NRXN1: variants seen among roughly 807,000 people sequenced by gnomAD.
The protein encoded by NRXN1 is neurexin-1.
A neutral mutation model predicts 150.9 loss-of-function variants in NRXN1; 39 were observed. The ratio of observed to expected loss-of-function variants is 0.26; its 90% confidence interval spans 0.20 to 0.34. The LOEUF (loss-of-function observed/expected upper bound fraction) is 0.34, where lower values mean the gene tolerates loss of function less well. NRXN1 is among the 10% of genes least tolerant of loss of function. The pLI, the probability that NRXN1 is intolerant of heterozygous loss-of-function variation, is 1.00. For missense variants in NRXN1, 1,815 were observed against 1,949.9 expected (o/e 0.93, Z 1.30); for synonymous variants, 924 against 757.0 (o/e 1.22, Z -3.62).
At chr2:50,901,114 T>C (rs1682874868) in intron 5 of NRXN1, among the ~76,000 whole-genome samples, 1 of 152,164 alleles carries the variant, frequency 6.6e-6, no homozygotes, top group Non-Finnish European at 1.5e-5. Flanking sequence ...GCTTGTTTCA[T>C]ACCATTAAAA....
intron 5 of NRXN1, among the ~76,000 whole-genome samples, chr2:50,659,560 A>C (rs986981121): frequency 6.6e-6 from 1 of 151,904 alleles, no homozygotes; most frequent in Non-Finnish European, 1.5e-5. Context: ...AGAATTTCAT[A>C]TTTTAAAAAT....
At chr2:50,935,337 T>C (rs1452669236) in intron 2 of NRXN1, among the ~76,000 whole-genome samples, 2 of 152,154 alleles carry the variant, frequency 1.3e-5, no homozygotes, top group African/African-American at 4.8e-5. Flanking sequence ...TTCACACCTC[T>C]AGTTAATTCT....
At chr2:50,484,052 T>C (rs1306773432) in intron 15 of NRXN1, among the ~76,000 whole-genome samples, 2 of 152,272 alleles carry the variant, frequency 1.3e-5, no homozygotes, top group South Asian at 2.1e-4. Context: ...GTCTCTTTAA[T>C]GTAGGTGAAA....
chr2:50,084,491 G>A (rs1321431048), intron 19 of NRXN1, among the ~76,000 whole-genome samples: 5 of 152,120 alleles, frequency 3.3e-5, no homozygotes, highest in East Asian at 1.9e-4. Context: ...AGGGCCGGCC[G>A]GCCGCTGCAA....
chr2:50,988,398 C>G (rs1698039514), intron 2 of NRXN1, among the ~76,000 whole-genome samples: 1 of 151,880 alleles, frequency 6.6e-6, no homozygotes, highest in South Asian at 2.1e-4. Context: ...GGCTTCATGG[C>G]TTTTACTACT....
chr2:49,951,998 T>G (rs1441005463), intron 21 of NRXN1, among the ~76,000 whole-genome samples: 1 of 152,024 alleles, frequency 6.6e-6, no homozygotes, highest in East Asian at 1.9e-4. Flanking sequence ...ATATATCTTC[T>G]TGTACTGAGT....
intron 5 of NRXN1, among the ~76,000 whole-genome samples, chr2:50,819,603 T>C (rs1192631812): frequency 6.6e-6 from 1 of 152,034 alleles, no homozygotes; most frequent in East Asian, 1.9e-4. Context: ...TCTAGAGATC[T>C]TCCCTACAAC....
At chr2:51,004,780 G>A (rs1700503394) in intron 2 of NRXN1, among the ~76,000 whole-genome samples, 1 of 151,996 alleles carries the variant, frequency 6.6e-6, no homozygotes, top group Non-Finnish European at 1.5e-5. Context: ...AGTACTGGGA[G>A]ACCACTTCTC....
chr2:50,616,577 C>T (rs900716103), intron 8 of NRXN1: 2 of 151,900 alleles, frequency 1.3e-5, no homozygotes, highest in Admixed American at 6.6e-5. Context: ...GAAATAGAAT[C>T]GGCCATTTAA....
intron 19 of NRXN1, among the ~76,000 whole-genome samples, chr2:50,083,734 G>C (rs1698326438): frequency 6.6e-6 from 1 of 152,166 alleles, no homozygotes; most frequent in African/African-American, 2.4e-5. Flanking sequence ...CGTTTTGAGA[G>C]GGTGCTGATT....
intron 17 of NRXN1, among the ~76,000 whole-genome samples, chr2:50,366,626 T>G (rs1226927314): frequency 2.0e-5 from 3 of 151,936 alleles, no homozygotes; most frequent in African/African-American, 7.2e-5. Context: ...AAATGTAAAT[T>G]GAATTTACAT....
chr2:50,904,186 C>T (rs1683343214), intron 5 of NRXN1, among the ~76,000 whole-genome samples: 1 of 152,078 alleles, frequency 6.6e-6, no homozygotes. Context: ...CCAGTTTGTT[C>T]CATAACAGCA....
At chr2:50,802,258 G>A (rs928092668) in intron 5 of NRXN1, among the ~76,000 whole-genome samples, 11 of 152,058 alleles carry the variant, frequency 7.2e-5, no homozygotes, top group Admixed American at 7.2e-4. Context: ...TTGGGAGGCC[G>A]AGGCAGGGGG....
At chr2:50,445,831 G>C (rs185117399) in intron 17 of NRXN1, among the ~76,000 whole-genome samples, 12 of 152,248 alleles carry the variant, frequency 7.9e-5, no homozygotes, top group Admixed American at 3.9e-4. Context: ...GGAAAGAGGA[G>C]ATTTTCTCAG....
At chr2:49,973,301 TC>T (rs1678289804) in intron 21 of NRXN1, among the ~76,000 whole-genome samples, 1 of 152,356 alleles carries the variant, frequency 6.6e-6, no homozygotes. Context: ...CGCATTTTTT[TC>T]AGTAAGCAGA....
chr2:50,074,772 A>G (rs76138551), intron 19 of NRXN1, among the ~76,000 whole-genome samples: 2,391 of 152,306 alleles, frequency 0.016, 68 homozygotes, highest in African/African-American at 0.053. Flanking sequence ...ACTCTTGTTC[A>G]TGCTATTTCC....
At chr2:50,462,474 T>C (rs1021509874) in intron 17 of NRXN1, among the ~76,000 whole-genome samples, 2 of 151,728 alleles carry the variant, frequency 1.3e-5, no homozygotes, top group African/African-American at 4.8e-5. Flanking sequence ...GGGAGATAAC[T>C]AAGAAATTAC....
chr2:50,865,013 G>A (rs1344104312), intron 5 of NRXN1, among the ~76,000 whole-genome samples: 1 of 151,854 alleles, frequency 6.6e-6, no homozygotes, highest in African/African-American at 2.4e-5. Flanking sequence ...GTCCTACTAT[G>A]AGAAGGCTCT....
chr2:50,696,694 C>T (rs995671890), intron 5 of NRXN1, among the ~76,000 whole-genome samples: 2 of 152,112 alleles, frequency 1.3e-5, no homozygotes, highest in Non-Finnish European at 2.9e-5. Context: ...CATGAATTTT[C>T]GGGTGAGGAT....
Sources: gnomAD v4.1 joint callset for allele counts (sites outside exome capture counted in the v4.1 genomes callset) on GRCh38, gnomAD v4.1.1 for gene constraint, MANE v1.5 for transcripts, NCBI Gene and HGNC (gene_info 2026-07-23, HGNC 2026-07-21) for gene names.